MYO16: variants seen among roughly 807,000 people sequenced by gnomAD.
The protein encoded by MYO16 is myosin XVI, also known as unconventional myosin-XVI.
Under a neutral mutation model 205.3 loss-of-function variants are expected in MYO16, and 94 were observed. The ratio of observed to expected loss-of-function variants is 0.46; its 90% CI spans 0.39 to 0.54. The LOEUF is 0.54. MYO16 is among the 20% of genes least tolerant of loss of function. MYO16 has a pLI of 0.00. For missense variants in MYO16, 2,315 were observed against 2,387.5 expected (o/e 0.97, Z 0.63); for synonymous variants, 988 against 954.0 (o/e 1.04, Z -0.66).
chr13:108,836,453 G>C (rs1050940283), intron 9 of MYO16, among the ~76,000 whole-genome samples: 2 of 152,232 alleles, frequency 1.3e-5, no homozygotes, highest in East Asian at 1.9e-4. Flanking sequence ...CCTCCACACA[G>C]AGTCCCCACT....
intron 27 of MYO16, among the ~76,000 whole-genome samples, chr13:109,070,827 C>A (rs989352876): frequency 9.2e-5 from 14 of 152,114 alleles, no homozygotes; most frequent in Admixed American, 9.2e-4. Context: ...AATTTATACA[C>A]GGAAATATGT....
intron 22 of MYO16, among the ~76,000 whole-genome samples, chr13:109,014,805 A>G (rs1159051283): frequency 6.6e-6 from 1 of 152,224 alleles, no homozygotes; most frequent in Non-Finnish European, 1.5e-5. Context: ...ATGTTTGCAC[A>G]TTGATTTTGT....
At chr13:108,670,170 G>A (rs192223009) in intron 2 of MYO16, among the ~76,000 whole-genome samples, 1 of 152,330 alleles carries the variant, frequency 6.6e-6, no homozygotes, top group East Asian at 1.9e-4. Flanking sequence ...GATGGAGCAA[G>A]CCTGTGCACA....
the MYO16 span, among the ~76,000 whole-genome samples, chr13:108,504,822 A>C: frequency 6.6e-6 from 1 of 152,206 alleles, no homozygotes; most frequent in South Asian, 2.1e-4. Flanking sequence ...GGCATGAGCC[A>C]CCACGCCCTG....
intron 34 of MYO16, among the ~76,000 whole-genome samples, chr13:109,192,318 G>A (rs117606767): frequency 6.6e-6 from 1 of 152,120 alleles, no homozygotes; most frequent in Non-Finnish European, 1.5e-5. Flanking sequence ...TTCTGGAAAG[G>A]ACTATTAATT....
At chr13:108,674,669 C>G (rs1042930392) in intron 2 of MYO16, among the ~76,000 whole-genome samples, 3 of 152,150 alleles carry the variant, frequency 2.0e-5, no homozygotes, top group Non-Finnish European at 4.4e-5. Context: ...AAGCCTGGAT[C>G]CATATACGCA....
In MYO16 at chr13:108,914,746, G is replaced by A. The variant is rs557959850; in HGVS notation, c.1925+4596G>A. On this transcript the variant is annotated intron_variant, in intron 16 of 34. Coordinates refer to ENST00000457511, the MANE Select transcript of MYO16 (RefSeq NM_001198950.3). The stretch of plus-strand genomic sequence containing the variant: ...CAACCTCTGCCTCCCTGGCTCAAGC[G>A]ATTCTCCTGTATCGGCCTCCTGAAT... Among the ~76,000 whole-genome samples, 7 of 152,238 alleles carry A rather than the reference G, an allele frequency of 4.6e-5. No individual in the cohort carries two copies. In the South Asian group the frequency reaches 6.2e-4, roughly 14 times the overall value.
the MYO16 span, among the ~76,000 whole-genome samples, chr13:108,557,705 G>T: frequency 1.3e-5 from 2 of 151,938 alleles, no homozygotes; most frequent in East Asian, 1.9e-4. Flanking sequence ...TAAAAGAAAA[G>T]AAAACTTTTA....
chr13:109,143,250 G>A (rs1458110156), intron 32 of MYO16, among the ~76,000 whole-genome samples: 1 of 152,082 alleles, frequency 6.6e-6, no homozygotes, highest in African/African-American at 2.4e-5. Flanking sequence ...CATCTAGAAA[G>A]CAATCTGAAC....
At chr13:109,046,574 C>T (rs114145808) in intron 23 of MYO16, among the ~76,000 whole-genome samples, 1,956 of 152,226 alleles carry the variant, frequency 0.013, 41 homozygotes, top group African/African-American at 0.043. Flanking sequence ...CCAAAAGTTT[C>T]GCAAGTGTGT....
At chr13:108,951,979 G>T (rs565057478) in intron 16 of MYO16, among the ~76,000 whole-genome samples, 18 of 151,958 alleles carry the variant, frequency 1.2e-4, no homozygotes, top group Non-Finnish European at 2.5e-4. Context: ...GGTGGTGGGC[G>T]CCTGTAGTCC....
At chr13:108,789,900 G>A (rs1291218372) in intron 5 of MYO16, among the ~76,000 whole-genome samples, 1 of 152,114 alleles carries the variant, frequency 6.6e-6, no homozygotes, top group Non-Finnish European at 1.5e-5. Context: ...TAAAAATAAG[G>A]CATATGCGGA....
chr13:109,194,060 T>A (rs1480567920), intron 34 of MYO16, among the ~76,000 whole-genome samples: 1 of 152,154 alleles, frequency 6.6e-6, no homozygotes, highest in Non-Finnish European at 1.5e-5. Context: ...ATTAATCAAT[T>A]AATGCTATCC....
chr13:109,086,766 A>G (rs1317159379), intron 27 of MYO16, among the ~76,000 whole-genome samples: 1 of 152,140 alleles, frequency 6.6e-6, no homozygotes. Flanking sequence ...ATTACCCCTC[A>G]CTATTATCCA....
intron 4 of MYO16, among the ~76,000 whole-genome samples, chr13:108,784,610 C>T (rs1244199309): frequency 1.3e-5 from 2 of 151,608 alleles, no homozygotes; most frequent in African/African-American, 4.8e-5. Flanking sequence ...ATAGAAAAAA[C>T]TCTAAATATT....
rs1880055704 is a variant in MYO16 at position 108,889,409 on chromosome 13, C to G, written c.1659+932C>G. On this transcript the variant is annotated intron_variant, in intron 14 of 34. Transcript: ENST00000457511. ...TCAGAAATTTTACTCAAGGAGGCCA[C>G]CACAGGTGCTTATCCATAGACTGAT... Among the ~76,000 whole-genome samples, 4 of 152,298 alleles carry G rather than the reference C, an allele frequency of 2.6e-5. No homozygotes were observed. The South Asian group carries it at 8.3e-4, about 32-fold the overall frequency.
At position 108,941,965 on chromosome 13, in the gene MYO16, A is replaced by G. The variant is rs371465966; in HGVS notation, c.1926-15723A>G. On this transcript the variant is annotated intron_variant, in intron 16 of 34. Transcript: ENST00000457511. ...TTTTGTTTTGTTTAATTGACTTTGA[A>G]TTTTCTTAAATGCCTAAGAGTTAAT... Among the ~76,000 whole-genome samples the G allele has an allele frequency of 6.6e-5, 10 of 152,320 alleles. No homozygotes were observed. The South Asian group carries it at 1.9e-3, about 28-fold the overall frequency.
At chr13:108,972,690 T>G (rs1431604934) in intron 20 of MYO16, among the ~76,000 whole-genome samples, 1 of 151,492 alleles carries the variant, frequency 6.6e-6, no homozygotes, top group Non-Finnish European at 1.5e-5. Flanking sequence ...CGATTTGCAT[T>G]GCTCAACTGC....
At chr13:108,682,757 G>C (rs1248429257) in intron 2 of MYO16, among the ~76,000 whole-genome samples, 1 of 152,032 alleles carries the variant, frequency 6.6e-6, no homozygotes. Context: ...TTATCACAAG[G>C]GACAGTAAGA....
Sources: allele counts gnomAD v4.1 joint callset (sites outside exome capture counted in the v4.1 genomes callset), GRCh38; gene constraint gnomAD v4.1.1; transcripts MANE v1.5; gene names NCBI Gene and HGNC (gene_info 2026-07-23, HGNC 2026-07-21).